The following HECW1 variants were observed in gnomAD, a reference collection of about 807,000 sequenced individuals.
The protein encoded by HECW1 is HECT, C2 and WW domain containing E3 ubiquitin protein ligase 1.
A neutral mutation model predicts 182.3 loss-of-function variants in HECW1; 61 were observed. The ratio of observed to expected loss-of-function variants is 0.33; its 90% CI spans 0.27 to 0.41. HECW1 has a LOEUF of 0.41. HECW1 is among the 10% of genes least tolerant of loss of function. HECW1 has a pLI of 1.00. For synonymous variants in HECW1, 859 were observed against 832.6 expected, an observed-to-expected ratio of 1.03 and a Z score of -0.55; for missense variants, 1,739 against 2,108.9, an observed-to-expected ratio of 0.82 and a Z score of 3.44.
At chr7:43,423,624 G>T (rs2076264856) in intron 8 of HECW1, among the ~76,000 whole-genome samples, 1 of 152,218 alleles carries the variant, frequency 6.6e-6, no homozygotes, top group South Asian at 2.1e-4. Flanking sequence ...TGGAGGAATA[G>T]AGTGAGCTGG....
At chr7:43,179,238 C>T (rs1792557708) in intron 2 of HECW1, among the ~76,000 whole-genome samples, 1 of 152,192 alleles carries the variant, frequency 6.6e-6, no homozygotes, top group South Asian at 2.1e-4. Context: ...CCCAAGGGCT[C>T]CAACTTGAAT....
At chr7:43,515,609 C>T (rs1447669200) in intron 24 of HECW1, among the ~76,000 whole-genome samples, 2 of 152,136 alleles carry the variant, frequency 1.3e-5, no homozygotes, top group African/African-American at 4.8e-5. Context: ...AAAATTCTAC[C>T]AAATACTTAT....
intron 17 of HECW1, 63 bp from the exon 18 acceptor site, chr7:43,492,012 G>A (rs2078949710): frequency 8.4e-7 from 1 of 1,187,002 alleles, no homozygotes; most frequent in Non-Finnish European, 1.2e-6. Flanking sequence ...TGAAAAACTG[G>A]TATCAAGAGA....
At chr7:43,340,378 G>A (rs1449687177) in intron 5 of HECW1, among the ~76,000 whole-genome samples, 2 of 151,002 alleles carry the variant, frequency 1.3e-5, no homozygotes, top group African/African-American at 2.5e-5. Context: ...CAGCCATCAC[G>A]CCCAGCTAAT....
At chr7:43,407,092 G>A (rs1183232802) in intron 7 of HECW1, among the ~76,000 whole-genome samples, 7 of 152,076 alleles carry the variant, frequency 4.6e-5, no homozygotes, top group African/African-American at 1.4e-4. Flanking sequence ...AGAACAGCTC[G>A]ATTTTCAAAG....
chr7:43,389,747 C>T (rs545150440), intron 6 of HECW1, among the ~76,000 whole-genome samples: 28 of 152,114 alleles, frequency 1.8e-4, no homozygotes, highest in African/African-American at 6.3e-4. Flanking sequence ...CTCAAGGGAT[C>T]CTCCTACCTC....
chr7:43,128,107 T>G (rs1166238487), intron 2 of HECW1, among the ~76,000 whole-genome samples: 2 of 152,178 alleles, frequency 1.3e-5, no homozygotes, highest in African/African-American at 4.8e-5. Context: ...CTCGAACTGC[T>G]GGGCTCAAGC....
intron 6 of HECW1, among the ~76,000 whole-genome samples, chr7:43,367,146 C>G (rs1816751031): frequency 6.6e-6 from 1 of 152,200 alleles, no homozygotes; most frequent in South Asian, 2.1e-4. Context: ...TTAAACTTGC[C>G]TCATTTCCAG....
At chr7:43,161,255 T>C (rs1562614670) in intron 2 of HECW1, among the ~76,000 whole-genome samples, 1 of 152,250 alleles carries the variant, frequency 6.6e-6, no homozygotes, top group South Asian at 2.1e-4. Flanking sequence ...TTGGGTTTTT[T>C]TTAATGCTAT....
intron 3 of HECW1, chr7:43,258,538 G>T (rs1180587666): frequency 6.6e-6 from 1 of 152,120 alleles, no homozygotes; most frequent in Admixed American, 6.5e-5. Flanking sequence ...TTTACAGGTA[G>T]ATCCTGGTCA....
rs1243690622 is a variant in HECW1 at position 43,115,314 on chromosome 7, T to TTC, written c.-32+924_-32+925insCT. Among the ~76,000 whole-genome samples the TTC allele has an allele frequency of 2.6e-5, 4 of 151,712 alleles. No homozygotes were observed. In the East Asian group the frequency reaches 7.7e-4, roughly 29 times the overall value. ...TCAAACAGGTCTTTTTTTTTTTTTT[T>TTC]TGTCCACTATAGCAAAACATTTGGT... On this transcript the variant is annotated intron_variant, in intron 2 of 29. Transcript: ENST00000395891.
At chr7:43,142,010 C>T (rs1260639078) in intron 2 of HECW1, among the ~76,000 whole-genome samples, 1 of 152,186 alleles carries the variant, frequency 6.6e-6, no homozygotes, top group African/African-American at 2.4e-5. Context: ...AAAACCTGCA[C>T]ACGCTGTGCT....
chr7:43,336,154 C>A, intron 5 of HECW1, among the ~76,000 whole-genome samples: 1 of 68,854 alleles, frequency 1.5e-5, no homozygotes, highest in South Asian at 6.0e-4. Flanking sequence ...TTCTCTCTCT[C>A]TCTCTCTCTC....
intron 3 of HECW1, among the ~76,000 whole-genome samples, chr7:43,300,672 C>T (rs1041872931): frequency 1.4e-4 from 21 of 152,240 alleles, no homozygotes; most frequent in African/African-American, 2.9e-4. Context: ...CGTGTTCATC[C>T]GGGGCACTTT....
intron 3 of HECW1, among the ~76,000 whole-genome samples, chr7:43,290,037 A>G (rs1015321716): frequency 2.4e-4 from 37 of 152,248 alleles, no homozygotes; most frequent in Admixed American, 7.8e-4. Flanking sequence ...CCTTATCGGT[A>G]GAAGGCTTCA....
intron 7 of HECW1, among the ~76,000 whole-genome samples, chr7:43,400,309 C>T (rs2075363657): frequency 6.6e-6 from 1 of 152,112 alleles, no homozygotes; most frequent in Non-Finnish European, 1.5e-5. Flanking sequence ...GCAAAGCCCA[C>T]AAAATATCAA....
chr7:43,192,945 A>G (rs1794067878), intron 2 of HECW1, among the ~76,000 whole-genome samples: 1 of 152,224 alleles, frequency 6.6e-6, no homozygotes, highest in African/African-American at 2.4e-5. Context: ...CTCCATAGGC[A>G]GAGCAGCCCC....
intron 17 of HECW1, among the ~76,000 whole-genome samples, chr7:43,488,482 A>AAGAAAG (rs769791474): frequency 4.1e-5 from 6 of 147,922 alleles, no homozygotes; most frequent in Non-Finnish European, 8.9e-5. Context: ...GAAAGAAAGA[A>AAGAAAG]AGAAAGAGAA....
chr7:43,562,086 A>C lies in HECW1; in HGVS notation c.*160A>C. 1 of 594,176 alleles carries C rather than the reference A, an allele frequency of 1.7e-6. No homozygotes were observed. Among genetic ancestry groups the C allele is most frequent in the Non-Finnish European group, 3.1e-6 (1 of 327,410 alleles). 36.8% of individuals were successfully genotyped at this position (594,176 alleles called of 1,614,324 possible). A position where few individuals can be genotyped will look rare whatever the true frequency, so the allele number is the denominator to read the frequency against. ...GATTGACAAAAGCTGTGCATGAAGA[A>C]CTGCCTTCTTCTAAGATCTAACCTT... On this transcript the variant is annotated 3_prime_UTR_variant, in exon 30 of 30. Coordinates refer to ENST00000395891, the MANE Select transcript of HECW1 (RefSeq NM_015052.5).
Sources: gnomAD v4.1 joint callset for allele counts (sites outside exome capture counted in the v4.1 genomes callset) on GRCh38, gnomAD v4.1.1 for gene constraint, MANE v1.5 for transcripts, NCBI Gene and HGNC (gene_info 2026-07-23, HGNC 2026-07-21) for gene names.